SNTG1: variants seen among roughly 807,000 people sequenced by gnomAD.
The protein encoded by SNTG1 is gamma-1-syntrophin.
A neutral mutation model predicts 74.7 loss-of-function variants in SNTG1; 39 were observed. That is an observed-to-expected ratio of 0.52 (90% CI 0.40 to 0.68). The LOEUF (loss-of-function observed/expected upper bound fraction) is 0.68. Ranked by LOEUF, SNTG1 falls within the 30% of genes least tolerant of loss-of-function variation. The pLI is 0.00. For missense variants in SNTG1, 685 were observed against 609.5 expected, an observed-to-expected ratio of 1.12 and a Z score of -1.30; for synonymous variants, 254 against 217.1, an observed-to-expected ratio of 1.17 and a Z score of -1.49.
At chr8:50,689,117 C>T (rs924521122) in intron 15 of SNTG1, among the ~76,000 whole-genome samples, 7 of 146,504 alleles carry the variant, frequency 4.8e-5, no homozygotes, top group Non-Finnish European at 9.0e-5. Flanking sequence ...TGAGACTTTG[C>T]TGAAGTTGCT....
chr8:50,420,004 T>A, intron 4 of SNTG1, among the ~76,000 whole-genome samples: 1 of 151,176 alleles, frequency 6.6e-6, no homozygotes. Context: ...GAAATTGGAC[T>A]GAAAAAAATA....
chr8:49,990,076 A>G (rs78952037), intron 1 of SNTG1, among the ~76,000 whole-genome samples: 7,811 of 152,062 alleles, frequency 0.051, 660 homozygotes, highest in African/African-American at 0.17. Flanking sequence ...TCTATGCAAC[A>G]TTATTAGAAG....
intron 1 of SNTG1, among the ~76,000 whole-genome samples, chr8:50,172,171 C>A (rs4873128): frequency 3.3e-5 from 5 of 151,958 alleles, no homozygotes; most frequent in African/African-American, 1.2e-4. Context: ...ATCAATAGAC[C>A]ATTCCTCACA....
chr8:50,211,545 A>G (rs887245175), intron 2 of SNTG1, among the ~76,000 whole-genome samples: 3 of 152,114 alleles, frequency 2.0e-5, no homozygotes, highest in Non-Finnish European at 4.4e-5. Context: ...AGATTGCAAG[A>G]CTATTAGGAT....
At chr8:50,627,755 A>T (rs190657707) in intron 13 of SNTG1, among the ~76,000 whole-genome samples, 2 of 152,330 alleles carry the variant, frequency 1.3e-5, no homozygotes, top group East Asian at 3.9e-4. Context: ...TGAATAGCAG[A>T]TGGAAGAAAT....
chr8:50,683,543 T>C (rs2095339615), intron 15 of SNTG1, among the ~76,000 whole-genome samples: 1 of 152,188 alleles, frequency 6.6e-6, no homozygotes, highest in Non-Finnish European at 1.5e-5. Context: ...GAGGTTTTGC[T>C]GCCAGATACC....
chr8:50,023,026 A>C (rs1031079508), intron 1 of SNTG1, among the ~76,000 whole-genome samples: 1 of 152,210 alleles, frequency 6.6e-6, no homozygotes, highest in African/African-American at 2.4e-5. Flanking sequence ...TTCTGTGAAT[A>C]TACGATAGGA....
At chr8:50,389,003 G>A (rs1343198697) in intron 2 of SNTG1, among the ~76,000 whole-genome samples, 2 of 152,112 alleles carry the variant, frequency 1.3e-5, no homozygotes, top group East Asian at 3.9e-4. Flanking sequence ...GGTCATATAA[G>A]AAGTTTGGCT....
intron 8 of SNTG1, among the ~76,000 whole-genome samples, chr8:50,486,563 G>A (rs1027087416): frequency 7.8e-6 from 1 of 128,230 alleles, no homozygotes; most frequent in African/African-American, 2.8e-5. Flanking sequence ...GAGACAATGG[G>A]GTTTTCTAGA....
intron 1 of SNTG1, among the ~76,000 whole-genome samples, chr8:49,986,903 A>AT (rs1243743861): frequency 6.6e-6 from 1 of 152,132 alleles, no homozygotes; most frequent in Non-Finnish European, 1.5e-5. Context: ...ATAAATATGT[A>AT]AATATAAATA....
At chr8:50,529,780 A>G (rs2094251251) in intron 9 of SNTG1, among the ~76,000 whole-genome samples, 1 of 152,090 alleles carries the variant, frequency 6.6e-6, no homozygotes, top group South Asian at 2.1e-4. Context: ...TATAGTTTCT[A>G]AGGGTAGGAT....
chr8:50,437,397 T>C (rs1310433882), intron 4 of SNTG1, among the ~76,000 whole-genome samples: 1 of 152,156 alleles, frequency 6.6e-6, no homozygotes, highest in Non-Finnish European at 1.5e-5. Flanking sequence ...AAGGAAGTTT[T>C]TAACCTTGCC....
chr8:50,142,061 G>A (rs1023825467), intron 1 of SNTG1, among the ~76,000 whole-genome samples: 1 of 151,874 alleles, frequency 6.6e-6, no homozygotes, highest in Non-Finnish European at 1.5e-5. Flanking sequence ...TAAATGTTAT[G>A]ACATTTCTTT....
chr8:50,477,497 A>G (rs745583996), intron 8 of SNTG1, among the ~76,000 whole-genome samples: 1 of 152,200 alleles, frequency 6.6e-6, no homozygotes, highest in Non-Finnish European at 1.5e-5. Context: ...CTTCAAAAAA[A>G]AGAAAATCTG....
intron 13 of SNTG1, among the ~76,000 whole-genome samples, chr8:50,638,564 C>T (rs1367592834): frequency 6.6e-6 from 1 of 152,070 alleles, no homozygotes; most frequent in Non-Finnish European, 1.5e-5. Context: ...GAAAATTGTG[C>T]CTCTATGTCT....
At chr8:50,180,681 C>G (rs2083169601) in intron 2 of SNTG1, among the ~76,000 whole-genome samples, 1 of 150,546 alleles carries the variant, frequency 6.6e-6, no homozygotes, top group African/African-American at 2.4e-5. Flanking sequence ...CTAATTATTC[C>G]TTTTCTATCT....
At chr8:49,984,824 T>A (rs1036317272) in intron 1 of SNTG1, among the ~76,000 whole-genome samples, 1 of 152,100 alleles carries the variant, frequency 6.6e-6, no homozygotes, top group Non-Finnish European at 1.5e-5. Context: ...CATTCCCCAA[T>A]AATAGCATTA....
At chr8:50,548,939 G>C (rs1261980482) in intron 11 of SNTG1, among the ~76,000 whole-genome samples, 1 of 152,086 alleles carries the variant, frequency 6.6e-6, no homozygotes, top group African/African-American at 2.4e-5. Flanking sequence ...TTCATTTCAC[G>C]ACCAGAGGAA....
At chr8:50,305,869 C>G (rs111420026) in intron 2 of SNTG1, among the ~76,000 whole-genome samples, 1 of 149,668 alleles carries the variant, frequency 6.7e-6, no homozygotes, top group African/African-American at 2.4e-5. Context: ...CCAACATTGC[C>G]AAAAGTTATA....
Sources: allele counts gnomAD v4.1 joint callset (sites outside exome capture counted in the v4.1 genomes callset), GRCh38; gene constraint gnomAD v4.1.1; transcripts MANE v1.5; gene names NCBI Gene and HGNC (gene_info 2026-07-23, HGNC 2026-07-21).